PXDNL: variants seen among roughly 807,000 people sequenced by gnomAD.
The protein encoded by PXDNL is probable oxidoreductase PXDNL.
PXDNL carries 145 observed loss-of-function variants against 150.8 expected under a neutral mutation model. That is an observed-to-expected ratio of 0.96 (90% CI 0.84 to 1.10). PXDNL has a LOEUF of 1.10. Ranked by LOEUF, PXDNL falls within the 50% of genes least tolerant of loss-of-function variation. The probability of loss-of-function intolerance (pLI) is 0.00; values close to 1 mark genes in which losing one functional copy is unlikely to be tolerated. For synonymous variants in PXDNL, 757 were observed against 725.7 expected (o/e 1.04, Z -0.69); for missense variants, 2,087 against 1,873.9 (o/e 1.11, Z -2.10).
At chr8:51,562,385 C>G (rs74494105) in intron 3 of PXDNL, among the ~76,000 whole-genome samples, 3,481 of 151,822 alleles carry the variant, frequency 0.023, 64 homozygotes, top group African/African-American at 0.05. Flanking sequence ...TCCCTAATTC[C>G]AAAAAATATT....
chr8:51,426,700 T>G lies in PXDNL; in HGVS notation c.1584A>C (p.Ile528=), dbSNP rs1298343129. ...QDTSVEVGKN[I]NISCHAQGEP... is the part of the protein sequence containing the mutation. Reference sequence around the variant, plus strand: ...CTCCTTGAGCATGACATGAAATGTTTATATTCTTTCCAACCTCGACACTTG... The same window carrying G: ...CTCCTTGAGCATGACATGAAATGTTGATATTCTTTCCAACCTCGACACTTG... Residue 528 remains isoleucine (I), a synonymous_variant, in exon 13 of 23, where the codon ATA becomes ATC. Transcript: ENST00000356297. 6.2e-7 allele frequency: 1 copy of G among 1,609,268 alleles called. No individual in the cohort carries two copies. The highest frequency in any genetic ancestry group is 1.1e-5 in the South Asian group (1 of 89,958).
At chr8:51,634,245 A>G (rs558794431) in intron 2 of PXDNL, among the ~76,000 whole-genome samples, 4 of 152,002 alleles carry the variant, frequency 2.6e-5, no homozygotes, top group Admixed American at 1.3e-4. Context: ...TCTTTTCCCC[A>G]TTGTTTATTT....
At chr8:51,500,345 C>T (rs1027236832) in intron 4 of PXDNL, among the ~76,000 whole-genome samples, 1 of 152,196 alleles carries the variant, frequency 6.6e-6, no homozygotes, top group African/African-American at 2.4e-5. Context: ...TTGGTATCCC[C>T]TCTGTGCAAC....
chr8:51,672,776 A>G (rs1815527475), intron 1 of PXDNL, among the ~76,000 whole-genome samples: 1 of 152,204 alleles, frequency 6.6e-6, no homozygotes, highest in African/African-American at 2.4e-5. Context: ...GGTTCTATAA[A>G]CTAAAAATAA....
chr8:51,381,310 C>T (rs1274435516), intron 17 of PXDNL, among the ~76,000 whole-genome samples: 1 of 152,054 alleles, frequency 6.6e-6, no homozygotes, highest in Non-Finnish European at 1.5e-5. Flanking sequence ...GAGTCTTTTG[C>T]CAAAGCATTT....
rs552277458 is a variant in PXDNL at position 51,444,903 on chromosome 8, T to C, written c.1525+2101A>G. Among the ~76,000 whole-genome samples the C allele has an allele frequency of 9.3e-4, 127 of 136,570 alleles. 1 individual carries two copies. Among genetic ancestry groups the C allele is most frequent in the African/African-American group, 3.7e-3 (119 of 32,104 alleles). The allele number at this position is 136,570 out of a possible 152,430, so 89.6% of individuals were successfully genotyped here. A position where few individuals can be genotyped will look rare whatever the true frequency, so the allele number is the denominator to read the frequency against. ...CCTATCCTCTTTAGGTTAACAAATA[T>C]TATTTTTCTATTTTTTTTTTCAACA... On this transcript the variant is annotated intron_variant, in intron 12 of 22. Coordinates refer to ENST00000356297, the MANE Select transcript of PXDNL (RefSeq NM_144651.5).
chr8:51,684,796 C>A (rs1291470067), intron 1 of PXDNL, among the ~76,000 whole-genome samples: 1 of 152,158 alleles, frequency 6.6e-6, no homozygotes, highest in African/African-American at 2.4e-5. Context: ...GAGCAGTGGG[C>A]AGTCACGAAG....
intron 1 of PXDNL, among the ~76,000 whole-genome samples, chr8:51,695,654 C>T (rs1423141275): frequency 6.6e-6 from 1 of 152,126 alleles, no homozygotes; most frequent in Non-Finnish European, 1.5e-5. Context: ...GTGAAAATGG[C>T]AGCCATTTGT....
chr8:51,446,682 C>T (rs1035064148), intron 12 of PXDNL, among the ~76,000 whole-genome samples: 1 of 151,914 alleles, frequency 6.6e-6, no homozygotes, highest in Admixed American at 6.6e-5. Context: ...CACGTCAGGC[C>T]GAGAAGCTGC....
rs1815453629 is a variant in PXDNL, at chr8:51,669,356, T to A, written c.165-14596A>T. Among the ~76,000 whole-genome samples, 4 of 152,332 alleles carry A rather than the reference T, an allele frequency of 2.6e-5. No individual in the cohort carries two copies. In the South Asian group the frequency reaches 8.3e-4, roughly 32 times the overall value. ...AGAAAAAACTTCTGTTATGACCTAC[T>A]TTCAGAATGTATTATAATGAGTGAA... On this transcript the variant is annotated intron_variant, in intron 1 of 22. Coordinates refer to ENST00000356297, the MANE Select transcript of PXDNL (RefSeq NM_144651.5).
rs752042647 is a variant in PXDNL, at chr8:51,411,248, A to C, written c.2062+2T>G. The C allele has an allele frequency of 1.4e-6, 2 of 1,457,396 alleles. No homozygotes were observed. The highest frequency in any genetic ancestry group is 1.8e-6 in the Non-Finnish European group (2 of 1,103,852). 90.3% of individuals were successfully genotyped at this position (1,457,396 alleles called of 1,614,324 possible). ...TGAGAATAAAATGGCTTTGTGGCTG[A>C]CCTTTGCCTTCCAAGTCCACAGTGA... On this transcript the variant is annotated splice_donor_variant, in intron 16 of 22. Coordinates refer to ENST00000356297, the MANE Select transcript of PXDNL (RefSeq NM_144651.5). LOFTEE classifies it high-confidence loss of function.
chr8:51,378,598 C>T (rs540550417), intron 17 of PXDNL, among the ~76,000 whole-genome samples: 4 of 152,306 alleles, frequency 2.6e-5, no homozygotes, highest in Admixed American at 6.5e-5. Context: ...TGTTCTTTTG[C>T]GCTTTGCAAT....
chr8:51,587,571 G>C (rs1378994125), intron 3 of PXDNL, among the ~76,000 whole-genome samples: 1 of 152,108 alleles, frequency 6.6e-6, no homozygotes, highest in East Asian at 1.9e-4. Context: ...CAATTCTGTG[G>C]TATAGTCAAA....
intron 4 of PXDNL, among the ~76,000 whole-genome samples, chr8:51,530,887 T>G (rs755418578): frequency 2.7e-5 from 4 of 150,620 alleles, no homozygotes; most frequent in Non-Finnish European, 5.9e-5. Context: ...GGAAGAACCC[T>G]GAGGCCAGTA....
chr8:51,447,291 G>A (rs190782887), intron 11 of PXDNL, 129 bp from the exon 12 acceptor site: 33 of 868,742 alleles, frequency 3.8e-5, no homozygotes, highest in South Asian at 1.1e-4. Flanking sequence ...TACTGTGTGC[G>A]TTGTGCCCTA....
intron 4 of PXDNL, among the ~76,000 whole-genome samples, chr8:51,548,800 C>A (rs920341723): frequency 6.6e-6 from 1 of 152,040 alleles, no homozygotes; most frequent in African/African-American, 2.4e-5. Flanking sequence ...CAATAACTAG[C>A]ACAATAAATA....
chr8:51,807,989 T>C (rs934550867), intron 1 of PXDNL, among the ~76,000 whole-genome samples: 6 of 152,200 alleles, frequency 3.9e-5, no homozygotes, highest in South Asian at 2.1e-4. Flanking sequence ...CTTTCAGTTA[T>C]TACAGTAAGA....
At chr8:51,578,049 G>GAAA (rs1563471346) in intron 3 of PXDNL, among the ~76,000 whole-genome samples, 2 of 86,740 alleles carry the variant, frequency 2.3e-5, no homozygotes, top group African/African-American at 1.1e-4. Context: ...AAGGAAGGAA[G>GAAA]GAAAGAAAGA....
chr8:51,772,711 G>T (rs1370676900), intron 1 of PXDNL, among the ~76,000 whole-genome samples: 1 of 152,206 alleles, frequency 6.6e-6, no homozygotes, highest in African/African-American at 2.4e-5. Flanking sequence ...GGAGGAAGAG[G>T]CTGAAGACAT....
Sources: gnomAD v4.1 joint callset for allele counts (sites outside exome capture counted in the v4.1 genomes callset) on GRCh38, gnomAD v4.1.1 for gene constraint, MANE v1.5 for transcripts, NCBI Gene and HGNC (gene_info 2026-07-23, HGNC 2026-07-21) for gene names.